Variants in KIF3A observed in about 807,000 individuals in gnomAD.
KIF3A encodes kinesin family member 3A.
Under a neutral mutation model 92.6 loss-of-function variants are expected in KIF3A, and 27 were observed. The ratio of observed to expected loss-of-function variants is 0.29; its 90% CI spans 0.21 to 0.40. KIF3A has a LOEUF of 0.40. KIF3A is among the 10% of genes least tolerant of loss of function. KIF3A has a pLI of 1.00. For missense variants in KIF3A, 581 were observed against 872.6 expected, an observed-to-expected ratio of 0.67 and a Z score of 4.21; for synonymous variants, 250 against 275.4, an observed-to-expected ratio of 0.91 and a Z score of 0.92.
At chr5:132,731,386 C>T (rs1485147920) in intron 2 of KIF3A, among the ~76,000 whole-genome samples, 2 of 152,014 alleles carry the variant, frequency 1.3e-5, no homozygotes, top group African/African-American at 4.8e-5. Flanking sequence ...TATTAACAAA[C>T]CTTAAAAAAA....
chr5:132,690,239 A>T (rs2149885223), downstream of KIF3A, among the ~76,000 whole-genome samples: 1 of 151,932 alleles, frequency 6.6e-6, no homozygotes, highest in East Asian at 1.9e-4. Context: ...TAAAAATAAA[A>T]AATTATCCAG....
At chr5:132,729,479 C>G (rs1388085582) in intron 2 of KIF3A, among the ~76,000 whole-genome samples, 5 of 151,382 alleles carry the variant, frequency 3.3e-5, no homozygotes, top group Non-Finnish European at 1.5e-5. Flanking sequence ...CAGAAAACAA[C>G]AACAACAACA....
intron 4 of KIF3A, among the ~76,000 whole-genome samples, chr5:132,725,842 T>C (rs1754015733): frequency 6.6e-6 from 1 of 152,158 alleles, no homozygotes; most frequent in Admixed American, 6.5e-5. Context: ...GGTGATGCAA[T>C]CCAACTAAAA....
intron 8 of KIF3A, among the ~76,000 whole-genome samples, chr5:132,711,680 T>C (rs1177141907): frequency 2.0e-5 from 3 of 152,146 alleles, no homozygotes; most frequent in Non-Finnish European, 4.4e-5. Context: ...AATTCAGTCT[T>C]TTAAAAATGT....
At chr5:132,718,620 TTTG>T (rs1753718897) in intron 5 of KIF3A, among the ~76,000 whole-genome samples, 1 of 151,716 alleles carries the variant, frequency 6.6e-6, no homozygotes, top group African/African-American at 2.4e-5. Context: ...TGTTGTTTTT[TTTG>T]TTGTTGTTTT....
intron 18 of KIF3A, among the ~76,000 whole-genome samples, chr5:132,696,911 A>G (rs1443694596): frequency 6.6e-6 from 1 of 152,216 alleles, no homozygotes; most frequent in East Asian, 1.9e-4. Flanking sequence ...TATGCCAGAT[A>G]GTGAAGGATA....
intron 4 of KIF3A, 64 bp downstream of exon 4, chr5:132,726,064 C>A: frequency 1.7e-6 from 2 of 1,166,302 alleles, no homozygotes; most frequent in South Asian, 3.0e-5. Flanking sequence ...AGAAGGGGGA[C>A]CTTAATTTAG....
intron 2 of KIF3A, among the ~76,000 whole-genome samples, chr5:132,731,633 C>T (rs1277465704): frequency 6.6e-6 from 1 of 152,152 alleles, no homozygotes; most frequent in African/African-American, 2.4e-5. Context: ...GTTCTAGCCT[C>T]CAGGTGCTAT....
At chr5:132,727,145 T>C (rs1406640918) in intron 2 of KIF3A, among the ~76,000 whole-genome samples, 2 of 152,192 alleles carry the variant, frequency 1.3e-5, no homozygotes, top group Non-Finnish European at 2.9e-5. Context: ...AACAAAAAGA[T>C]GACAATACAA....
At chr5:132,690,300 A>C (rs1028715939), downstream of KIF3A, among the ~76,000 whole-genome samples, 12 of 143,962 alleles carry the variant, frequency 8.3e-5, no homozygotes, top group African/African-American at 3.3e-4. Context: ...CTGAGGCAGA[A>C]GGATTGCTTG....
At position 132,702,634 on chromosome 5, in the gene KIF3A, C is replaced by G; in HGVS notation, c.1682G>C (p.Ser561Thr). The G allele has an allele frequency of 6.2e-7, 1 of 1,613,058 alleles. No homozygotes were observed. The highest frequency in any genetic ancestry group is 8.5e-7 in the Non-Finnish European group (1 of 1,179,506). The change falls in exon 14 of 19, where the codon AGT (serine) becomes ACT (threonine). Residue 561 changes from serine (S) to threonine (T), a missense_variant. By Grantham distance (58) the Ser-to-Thr change is moderately conservative (BLOSUM62 1). This residue lies in a region of KIF3A where 45 missense variants were observed against 115.8 expected (regional missense o/e 0.39). Coordinates refer to ENST00000403231, the MANE Select transcript of KIF3A (RefSeq NM_001300791.2). ...ERLDIEEKYTSLQEEAQGKTK... is the reference protein window; with the variant it reads ...ERLDIEEKYTTLQEEAQGKTK... ...CTTTCCCTGTGCTTCCTCTTGCAAA[C>G]TGGTATATTTTTCTTCAATATCCAA...
intron 1 of KIF3A, among the ~76,000 whole-genome samples, chr5:132,735,420 T>C (rs1469213722): frequency 6.6e-6 from 1 of 152,226 alleles, no homozygotes; most frequent in African/African-American, 2.4e-5. Context: ...AACACAATCC[T>C]ATTATTGAAG....
In KIF3A at chr5:132,692,928, A is replaced by G. The variant is rs1752705264; in HGVS notation, c.*3706T>C. The G allele has an allele frequency of 6.6e-6, 1 of 152,664 alleles. No individual in the cohort carries two copies. The highest frequency in any genetic ancestry group is 2.1e-4 in the South Asian group (1 of 4,832). The allele number at this position is 152,664 out of a possible 1,614,324, so 9.5% of individuals were successfully genotyped here. A position where few individuals can be genotyped will look rare whatever the true frequency, so the allele number is the denominator to read the frequency against. ...ATAATTTAAAATAAAACAAATGTAT[A>G]CATTAGGAAATTGGGCAGACATTGG... On this transcript the variant is annotated 3_prime_UTR_variant, in exon 19 of 19. Coordinates refer to ENST00000403231, the MANE Select transcript of KIF3A (RefSeq NM_001300791.2).
At chr5:132,712,698 T>C (rs1236096205) in intron 8 of KIF3A, among the ~76,000 whole-genome samples, 1 of 152,110 alleles carries the variant, frequency 6.6e-6, no homozygotes. Flanking sequence ...CATAAAACAA[T>C]AGATTTGCAG....
intron 9 of KIF3A, 87 bp from the exon 10 acceptor site, chr5:132,709,065 C>A: frequency 9.3e-7 from 1 of 1,080,440 alleles, no homozygotes; most frequent in South Asian, 1.4e-5. Context: ...ATTCAGTTTT[C>A]AGAGAAAAAA....
intron 2 of KIF3A, among the ~76,000 whole-genome samples, chr5:132,731,895 G>C (rs541931502): frequency 2.3e-4 from 35 of 152,050 alleles, no homozygotes; most frequent in Non-Finnish European, 4.0e-4. Context: ...ATTTTTAGTA[G>C]AGACAGGGTT....
At chr5:132,726,078 A>C in intron 4 of KIF3A, 50 bp downstream of exon 4, 1 of 1,337,886 alleles carries the variant, frequency 7.5e-7, no homozygotes, top group Non-Finnish European at 1.0e-6. Context: ...AATTTAGCAA[A>C]TATTCTATTG....
chr5:132,700,064 C>T (rs1365881994), intron 17 of KIF3A, 152 bp downstream of exon 17: 2 of 600,962 alleles, frequency 3.3e-6, no homozygotes, highest in Non-Finnish European at 5.9e-6. Context: ...ATCACCCCAT[C>T]CTAGAGCCTT....
chr5:132,735,410 AAC>A (rs1365353581), intron 1 of KIF3A, among the ~76,000 whole-genome samples: 1 of 152,230 alleles, frequency 6.6e-6, no homozygotes, highest in Non-Finnish European at 1.5e-5. Flanking sequence ...AATATAATGA[AAC>A]ACAATCCTAT....
Sources: allele counts gnomAD v4.1 joint callset (sites outside exome capture counted in the v4.1 genomes callset), GRCh38; gene constraint gnomAD v4.1.1; regional missense constraint gnomAD v4.1.1; transcripts MANE v1.5; gene names NCBI Gene and HGNC (gene_info 2026-07-23, HGNC 2026-07-21).